The following GRM7 variants were observed in gnomAD, a reference collection of about 807,000 sequenced individuals.
The protein encoded by GRM7 is glutamate metabotropic receptor 7.
In GRM7, 35 loss-of-function variants were observed where a neutral mutation model predicts 84.5. That is an observed-to-expected ratio of 0.41 (90% CI 0.32 to 0.55). The LOEUF is 0.55. Among genes scored for constraint, GRM7 ranks in the 20% least tolerant of loss-of-function variants. The pLI is 0.19. For missense variants in GRM7, 1,003 were observed against 1,194.6 expected, an observed-to-expected ratio of 0.84 and a Z score of 2.36; for synonymous variants, 487 against 455.1, an observed-to-expected ratio of 1.07 and a Z score of -0.89.
intron 1 of GRM7, among the ~76,000 whole-genome samples, chr3:7,049,052 A>G (rs1233475679): frequency 1.3e-5 from 2 of 151,996 alleles, no homozygotes; most frequent in East Asian, 3.9e-4. Context: ...ATATTCAATC[A>G]ATATTAAAAT....
At chr3:7,569,228 G>A (rs1694515673) in intron 7 of GRM7, among the ~76,000 whole-genome samples, 1 of 152,142 alleles carries the variant, frequency 6.6e-6, no homozygotes, top group South Asian at 2.1e-4. Flanking sequence ...AACTACTCTG[G>A]TGGGGACTTG....
intron 2 of GRM7, among the ~76,000 whole-genome samples, chr3:7,213,028 C>T (rs1696481788): frequency 6.6e-6 from 1 of 152,080 alleles, no homozygotes; most frequent in South Asian, 2.1e-4. Context: ...ATTTGGAGGC[C>T]CTTTCAGATT....
chr3:6,994,695 T>A (rs1694772225), intron 1 of GRM7, among the ~76,000 whole-genome samples: 1 of 152,232 alleles, frequency 6.6e-6, no homozygotes, highest in African/African-American at 2.4e-5. Context: ...ACAGGTTTTA[T>A]TTTTCCTTTG....
rs76436967 is a variant in GRM7, at chr3:6,903,521, T to A, written c.519+41614T>A. 1.4e-4 allele frequency among the ~76,000 whole-genome samples: 22 copies of A among 152,176 alleles called. 1 individual carries two copies. The highest frequency in any genetic ancestry group is 2.4e-4 in the Non-Finnish European group (16 of 67,952). On this transcript the variant is annotated intron_variant, in intron 1 of 9. Transcript: ENST00000357716. ...CATCTCACATTTTCACATAAGTTAA[T>A]ACCAAGTTTTACTTATCCATTACCC...
intron 1 of GRM7, among the ~76,000 whole-genome samples, chr3:7,118,968 T>C (rs1693131160): frequency 6.6e-6 from 1 of 152,136 alleles, no homozygotes; most frequent in Non-Finnish European, 1.5e-5. Flanking sequence ...AAAATAATAA[T>C]TAATCTCTAT....
chr3:7,160,198 C>T lies in GRM7; in HGVS notation c.736+13530C>T, dbSNP rs145239732. 2.0e-3 allele frequency among the ~76,000 whole-genome samples: 301 copies of T among 152,240 alleles called. 1 individual carries two copies. The highest frequency in any genetic ancestry group is 6.9e-3 in the African/African-American group (288 of 41,534). On this transcript the variant is annotated intron_variant, in intron 2 of 9. Transcript: ENST00000357716. Reference sequence around the variant, plus strand: ...ACCCACTGTAGGTAAATGAGAAGGACAGCTCTTGAACCTGGGCCAGTCTAT... The same window carrying T: ...ACCCACTGTAGGTAAATGAGAAGGATAGCTCTTGAACCTGGGCCAGTCTAT...
chr3:7,389,124 C>T (rs1694894270), intron 4 of GRM7, among the ~76,000 whole-genome samples: 2 of 151,986 alleles, frequency 1.3e-5, no homozygotes, highest in South Asian at 2.1e-4. Flanking sequence ...GCCTTAATTT[C>T]CTTGTTTACC....
intron 2 of GRM7, among the ~76,000 whole-genome samples, chr3:7,297,249 A>G (rs779976423): frequency 3.9e-5 from 6 of 152,088 alleles, no homozygotes; most frequent in Non-Finnish European, 8.8e-5. Context: ...CTTCTCTTTG[A>G]TGCATGGGTT....
intron 2 of GRM7, among the ~76,000 whole-genome samples, chr3:7,223,269 C>G (rs532581001): frequency 1.9e-4 from 29 of 151,984 alleles, no homozygotes; most frequent in Non-Finnish European, 3.8e-4. Context: ...ATTATACATC[C>G]TATAATTTCA....
intron 5 of GRM7, among the ~76,000 whole-genome samples, chr3:7,430,424 A>G (rs1559316225): frequency 1.3e-5 from 2 of 152,252 alleles, no homozygotes; most frequent in Non-Finnish European, 2.9e-5. Context: ...TTAAACCACA[A>G]TGAAATTCTA....
intron 4 of GRM7, among the ~76,000 whole-genome samples, chr3:7,356,167 G>T (rs910848440): frequency 2.0e-5 from 3 of 152,096 alleles, no homozygotes; most frequent in Non-Finnish European, 4.4e-5. Context: ...CTTAGAAGGA[G>T]CATGATGGGC....
At chr3:7,047,599 G>A (rs1354822695) in intron 1 of GRM7, among the ~76,000 whole-genome samples, 2 of 152,042 alleles carry the variant, frequency 1.3e-5, no homozygotes, top group Non-Finnish European at 2.9e-5. Flanking sequence ...GATTAAAAAT[G>A]GATAAGTGGT....
intron 1 of GRM7, among the ~76,000 whole-genome samples, chr3:7,055,510 T>C (rs1367227169): frequency 6.8e-6 from 1 of 147,166 alleles, no homozygotes; most frequent in Non-Finnish European, 1.5e-5. Flanking sequence ...TGTGTGTATG[T>C]ATATATATAT....
chr3:7,168,469 T>C (rs1694877779), intron 2 of GRM7, among the ~76,000 whole-genome samples: 1 of 152,168 alleles, frequency 6.6e-6, no homozygotes. Flanking sequence ...TCTCTCTCTC[T>C]TTCCACCATG....
chr3:6,917,080 T>A (rs1482712444), intron 1 of GRM7, among the ~76,000 whole-genome samples: 1 of 152,192 alleles, frequency 6.6e-6, no homozygotes, highest in Non-Finnish European at 1.5e-5. Context: ...TTGTGTGACC[T>A]CAGGCAAGTT....
At chr3:6,878,602 A>G (rs572767141) in intron 1 of GRM7, among the ~76,000 whole-genome samples, 1 of 152,236 alleles carries the variant, frequency 6.6e-6, no homozygotes, top group Admixed American at 6.5e-5. Context: ...AGAAAATTCC[A>G]CTTGAGAAAT....
chr3:7,130,635 T>C, intron 1 of GRM7, among the ~76,000 whole-genome samples: 1 of 151,960 alleles, frequency 6.6e-6, no homozygotes, highest in African/African-American at 2.4e-5. Context: ...AGCAAACTTG[T>C]TAAAATACAG....
chr3:7,059,317 G>T (rs1046245979), intron 1 of GRM7, among the ~76,000 whole-genome samples: 1 of 151,650 alleles, frequency 6.6e-6, no homozygotes, highest in Non-Finnish European at 1.5e-5. Context: ...CACATCTAAA[G>T]AGCCACTTTT....
At chr3:7,364,616 A>G (rs1455966660) in intron 4 of GRM7, among the ~76,000 whole-genome samples, 1 of 151,758 alleles carries the variant, frequency 6.6e-6, no homozygotes, top group Non-Finnish European at 1.5e-5. Flanking sequence ...ACCAGGAAAT[A>G]TACATTTTAT....
Sources: gnomAD v4.1 joint callset for allele counts (sites outside exome capture counted in the v4.1 genomes callset) on GRCh38, gnomAD v4.1.1 for gene constraint, MANE v1.5 for transcripts, NCBI Gene and HGNC (gene_info 2026-07-23, HGNC 2026-07-21) for gene names.